The following ITPR2 variants were observed in gnomAD, a reference collection of about 807,000 sequenced individuals.
The protein encoded by ITPR2 is inositol 1,4,5-trisphosphate receptor type 2.
In ITPR2, 207 loss-of-function variants were observed where a neutral mutation model predicts 317.1. That is an observed-to-expected ratio of 0.65 (90% CI 0.58 to 0.73). ITPR2 has a LOEUF of 0.73. ITPR2 is among the 30% of genes least tolerant of loss of function. The pLI is 0.00. For synonymous variants in ITPR2, 1,156 were observed against 1,149.1 expected (o/e 1.01, Z -0.12); for missense variants, 2,613 against 3,284.0 (o/e 0.80, Z 4.99).
chr12:26,572,334 G>C (rs1442843769), intron 34 of ITPR2, among the ~76,000 whole-genome samples: 2 of 152,128 alleles, frequency 1.3e-5, no homozygotes, highest in Non-Finnish European at 2.9e-5. Context: ...TAATCAAGCA[G>C]AACTCTGAAA....
chr12:26,505,092 T>C (rs1165584833), intron 37 of ITPR2, among the ~76,000 whole-genome samples: 1 of 152,222 alleles, frequency 6.6e-6, no homozygotes, highest in Non-Finnish European at 1.5e-5. Flanking sequence ...GCTGAGGTCA[T>C]GAGTCTTTAT....
chr12:26,523,248 C>T (rs898121488), intron 37 of ITPR2, among the ~76,000 whole-genome samples: 4 of 152,168 alleles, frequency 2.6e-5, no homozygotes, highest in Admixed American at 6.5e-5. Flanking sequence ...CTAGAAGCCT[C>T]AACCAAATAT....
At position 26,509,958 on chromosome 12, in the gene ITPR2, T is replaced by TTTTGTGTGTGTG. The variant is rs1247091708; in HGVS notation, c.5074-14699_5074-14698insCACACACACAAA. On this transcript the variant is annotated intron_variant, in intron 37 of 56. Transcript: ENST00000381340. ...TTTTGTTAACAAGTAGATAAGGGTT[T>TTTTGTGTGTGTG]TGTGTGTGTGTGTGTGTGTGTGTGT... Among the ~76,000 whole-genome samples, 17 of 53,264 alleles carry TTTTGTGTGTGTG rather than the reference T, an allele frequency of 3.2e-4. 1 individual carries two copies. The East Asian group carries it at 7.6e-3, about 24-fold the overall frequency. The allele number at this position is 53,264 out of a possible 152,430, so 34.9% of individuals were successfully genotyped here. A position where few individuals can be genotyped will look rare whatever the true frequency, so the allele number is the denominator to read the frequency against.
chr12:26,567,989 T>TA (rs1945040441), intron 34 of ITPR2, among the ~76,000 whole-genome samples: 1 of 5,648 alleles, frequency 1.8e-4, no homozygotes, highest in Non-Finnish European at 1.4e-3. Flanking sequence ...TATATATATA[T>TA]ATATATATTA....
At chr12:26,613,026 C>T (rs1484171134) in intron 26 of ITPR2, among the ~76,000 whole-genome samples, 4 of 152,160 alleles carry the variant, frequency 2.6e-5, no homozygotes, top group African/African-American at 7.2e-5. Context: ...ACTACTTTGT[C>T]ACCCTATTTT....
chr12:26,430,532 G>A (rs1322391900), intron 48 of ITPR2, among the ~76,000 whole-genome samples: 2 of 152,194 alleles, frequency 1.3e-5, no homozygotes, highest in Non-Finnish European at 2.9e-5. Flanking sequence ...CCAAAGTGCT[G>A]GGATTACGGG....
intron 5 of ITPR2, among the ~76,000 whole-genome samples, chr12:26,719,783 G>C (rs563745694): frequency 1.3e-5 from 2 of 152,054 alleles, no homozygotes; most frequent in Non-Finnish European, 2.9e-5. Context: ...TCCCTGGTGG[G>C]CACACACTTT....
intron 54 of ITPR2, among the ~76,000 whole-genome samples, chr12:26,392,766 T>C (rs1424947454): frequency 6.6e-6 from 1 of 152,218 alleles, no homozygotes; most frequent in Non-Finnish European, 1.5e-5. Context: ...TTTATGATAC[T>C]TGAATGACTG....
At chr12:26,340,999 T>C (rs1045241245) in intron 55 of ITPR2, among the ~76,000 whole-genome samples, 1 of 152,224 alleles carries the variant, frequency 6.6e-6, no homozygotes, top group Non-Finnish European at 1.5e-5. Context: ...GTTTTGTGTG[T>C]GTGTGTGTTT....
intron 37 of ITPR2, among the ~76,000 whole-genome samples, chr12:26,524,712 A>C (rs1446320513): frequency 1.3e-5 from 2 of 152,214 alleles, no homozygotes; most frequent in African/African-American, 4.8e-5. Flanking sequence ...GCTGAAAACA[A>C]AGTACACAAA....
At chr12:26,613,455 T>A (rs191529510) in intron 26 of ITPR2, among the ~76,000 whole-genome samples, 1 of 151,870 alleles carries the variant, frequency 6.6e-6, no homozygotes, top group Non-Finnish European at 1.5e-5. Context: ...ACCCTGAAAA[T>A]ACATAAAATT....
intron 45 of ITPR2, among the ~76,000 whole-genome samples, chr12:26,467,560 T>C (rs1057169066): frequency 1.3e-5 from 2 of 152,132 alleles, no homozygotes; most frequent in South Asian, 2.1e-4. Flanking sequence ...ATTCAGTGGA[T>C]AGTAAAAGCA....
chr12:26,431,118 AC>A (rs1941194977), intron 48 of ITPR2, among the ~76,000 whole-genome samples: 1 of 152,232 alleles, frequency 6.6e-6, no homozygotes, highest in African/African-American at 2.4e-5. Flanking sequence ...AGTGCCTAGC[AC>A]ATAGCGGCGC....
Position 26,597,044 on chromosome 12 carries a change from G to A in ITPR2, c.4093C>T (p.Arg1365Ter), listed in dbSNP as rs781468785. The change falls in exon 31 of 57, where the codon CGA (arginine) becomes TGA (stop). Residue 1365 changes from arginine to a stop codon, truncating the protein, a stop_gained. Transcript: ENST00000381340. LOFTEE classifies it high-confidence loss of function. ...LLHMMCSERD[R>*]GDESGPLAYH... is the part of the protein sequence containing the mutation. ...GCTAAGGGGCCACTCTCATCCCCTCGGTCTCTCTCTGAACACATCATATGG... is the reference window on the plus strand; with the variant it reads ...GCTAAGGGGCCACTCTCATCCCCTCAGTCTCTCTCTGAACACATCATATGG... 5 of 1,613,822 alleles carry A rather than the reference G, an allele frequency of 3.1e-6. No individual in the cohort carries two copies. Among genetic ancestry groups the A allele is most frequent in the East Asian group, 2.2e-5 (1 of 44,886 alleles).
chr12:26,639,163 T>G (rs1243300561), intron 21 of ITPR2, among the ~76,000 whole-genome samples: 2 of 152,198 alleles, frequency 1.3e-5, no homozygotes, highest in African/African-American at 4.8e-5. Context: ...TGCTAGCCAT[T>G]TTCAAGCACA....
rs190305700 is a variant in ITPR2, at chr12:26,796,853, A to G, written c.93-6626T>C. ...GAGACCAGTCTGGCCAACATGGTGAAACCACCCCCGTCTCTACTAAAAATA... is the reference window on the plus strand; with the variant it reads ...GAGACCAGTCTGGCCAACATGGTGAGACCACCCCCGTCTCTACTAAAAATA... On this transcript the variant is annotated intron_variant, in intron 1 of 56. Transcript: ENST00000381340. 4.3e-4 allele frequency among the ~76,000 whole-genome samples: 65 copies of G among 152,042 alleles called. No individual in the cohort carries two copies. In the East Asian group the frequency reaches 0.012, roughly 29 times the overall value.
rs374907820 is a variant in ITPR2 at position 26,341,109 on chromosome 12, C to T, written c.7858-781G>A. 1.6e-4 allele frequency among the ~76,000 whole-genome samples: 25 copies of T among 152,222 alleles called. No homozygotes were observed. The East Asian group carries it at 4.2e-3, about 26-fold the overall frequency. ...ATGCATTACTTATATGACATTTTTC[C>T]ATCCTCCCCAAAGCTCTGCAAGGTA... On this transcript the variant is annotated intron_variant, in intron 55 of 56. Coordinates refer to ENST00000381340, the MANE Select transcript of ITPR2 (RefSeq NM_002223.4).
In ITPR2 at chr12:26,480,648, T is replaced by C. The variant is rs866232650; in HGVS notation, c.6123+483A>G. ...CGAGGTCAGGAGTTCCAGACCAGCCTGGCCAACACAGTGAAACCCCGTCTC... is the reference window on the plus strand; with the variant it reads ...CGAGGTCAGGAGTTCCAGACCAGCCCGGCCAACACAGTGAAACCCCGTCTC... On this transcript the variant is annotated intron_variant, in intron 43 of 56. Transcript: ENST00000381340. Among the ~76,000 whole-genome samples, 3 of 152,120 alleles carry C rather than the reference T, an allele frequency of 2.0e-5. No individual in the cohort carries two copies. The South Asian group carries it at 6.2e-4, about 32-fold the overall frequency.
At chr12:26,569,061 A>G (rs976430335) in intron 34 of ITPR2, among the ~76,000 whole-genome samples, 1 of 152,186 alleles carries the variant, frequency 6.6e-6, no homozygotes, top group African/African-American at 2.4e-5. Context: ...TGTATCCCAG[A>G]TAGCTCACAA....
Sources: gnomAD v4.1 joint callset for allele counts (sites outside exome capture counted in the v4.1 genomes callset) on GRCh38, gnomAD v4.1.1 for gene constraint, MANE v1.5 for transcripts, NCBI Gene and HGNC (gene_info 2026-07-23, HGNC 2026-07-21) for gene names.